AGBL4: variants seen among roughly 807,000 people sequenced by gnomAD.
AGBL4 encodes cytosolic carboxypeptidase 6.
AGBL4 carries 58 observed loss-of-function variants against 66.4 expected under a neutral mutation model. The ratio of observed to expected loss-of-function variants is 0.87; its 90% CI spans 0.71 to 1.09. The LOEUF is 1.09. Among genes scored for constraint, AGBL4 ranks in the 50% least tolerant of loss-of-function variants. The probability of loss-of-function intolerance (pLI) is 0.00; values close to 1 mark genes in which losing one functional copy is unlikely to be tolerated. For synonymous variants in AGBL4, 234 were observed against 222.9 expected (o/e 1.05, Z -0.44); for missense variants, 579 against 631.0 (o/e 0.92, Z 0.88).
At chr1:49,759,869 T>C (rs1440461224) in intron 2 of AGBL4, among the ~76,000 whole-genome samples, 1 of 152,172 alleles carries the variant, frequency 6.6e-6, no homozygotes, top group African/African-American at 2.4e-5. Context: ...AAAATTCTCA[T>C]ATTGTATTCC....
intron 2 of AGBL4, among the ~76,000 whole-genome samples, chr1:49,749,398 A>T (rs901239186): frequency 1.3e-5 from 2 of 151,962 alleles, no homozygotes; most frequent in African/African-American, 2.4e-5. Context: ...GTTGCAATAG[A>T]AGAAAAACAA....
intron 3 of AGBL4, among the ~76,000 whole-genome samples, chr1:49,483,155 T>C (rs530321157): frequency 1.3e-5 from 2 of 152,180 alleles, no homozygotes; most frequent in South Asian, 4.1e-4. Context: ...TGCTTTCAGG[T>C]CTTGAATATC....
At chr1:49,843,618 G>A (rs537322701) in intron 2 of AGBL4, among the ~76,000 whole-genome samples, 2 of 152,266 alleles carry the variant, frequency 1.3e-5, no homozygotes, top group East Asian at 3.9e-4. Context: ...GGTCCACTCA[G>A]ATAATCCAGT....
rs1570959521 is a variant in AGBL4, at chr1:49,530,284, T to TAAA, written c.282+167028_282+167029insTTT. Among the ~76,000 whole-genome samples the TAAA allele has an allele frequency of 7.3e-4, 26 of 35,790 alleles. 1 individual carries two copies. Among genetic ancestry groups the TAAA allele is most frequent in the African/African-American group, 2.3e-3 (22 of 9,364 alleles). 23.5% of individuals were successfully genotyped at this position (35,790 alleles called of 152,430 possible). On this transcript the variant is annotated intron_variant, in intron 3 of 13. Transcript: ENST00000371839. The stretch of plus-strand genomic sequence containing the variant: ...TAAAAAAAAAAAAACAAAAAAAAAC[T>TAAA]CTATGAGTTTTTTTTTATTATTATA...
chr1:48,862,482 C>T (rs576536175), intron 6 of AGBL4, among the ~76,000 whole-genome samples: 11 of 152,210 alleles, frequency 7.2e-5, no homozygotes, highest in East Asian at 3.9e-4. Context: ...CCACCACGCT[C>T]GGCTAATTTT....
intron 4 of AGBL4, among the ~76,000 whole-genome samples, chr1:49,160,917 T>C (rs1213960298): frequency 2.0e-5 from 3 of 152,148 alleles, no homozygotes; most frequent in South Asian, 4.1e-4. Context: ...AACTTGAGCA[T>C]CCCAGGTCAA....
chr1:49,221,705 A>G (rs1649509679), intron 4 of AGBL4, among the ~76,000 whole-genome samples: 2 of 152,058 alleles, frequency 1.3e-5, no homozygotes, highest in South Asian at 4.1e-4. Flanking sequence ...TTTTTCTTTG[A>G]AAGAGAATTT....
At chr1:49,238,966 C>T (rs1240379095) in intron 4 of AGBL4, among the ~76,000 whole-genome samples, 1 of 152,112 alleles carries the variant, frequency 6.6e-6, no homozygotes, top group African/African-American at 2.4e-5. Flanking sequence ...TCAGAGTTTT[C>T]TATGTTTGTT....
intron 1 of AGBL4, among the ~76,000 whole-genome samples, chr1:49,874,082 C>T (rs975222375): frequency 2.6e-5 from 4 of 152,002 alleles, no homozygotes; most frequent in Non-Finnish European, 5.9e-5. Context: ...ATATGCAGCT[C>T]CAACAAAGCT....
intron 1 of AGBL4, among the ~76,000 whole-genome samples, chr1:49,958,274 T>C (rs1411980482): frequency 6.6e-6 from 1 of 152,068 alleles, no homozygotes; most frequent in Non-Finnish European, 1.5e-5. Flanking sequence ...CTGACCTTTC[T>C]CTCTGGCTGC....
At chr1:49,664,644 T>C (rs900305839) in intron 3 of AGBL4, among the ~76,000 whole-genome samples, 1 of 152,088 alleles carries the variant, frequency 6.6e-6, no homozygotes, top group African/African-American at 2.4e-5. Context: ...CAACGGTGCA[T>C]AATAACACTT....
intron 3 of AGBL4, among the ~76,000 whole-genome samples, chr1:49,593,474 C>T (rs1485951124): frequency 6.6e-6 from 1 of 152,074 alleles, no homozygotes; most frequent in Non-Finnish European, 1.5e-5. Flanking sequence ...TACATAAACT[C>T]TATATACCAA....
intron 3 of AGBL4, among the ~76,000 whole-genome samples, chr1:49,350,192 T>C (rs1474432846): frequency 2.6e-5 from 4 of 152,016 alleles, no homozygotes; most frequent in African/African-American, 4.8e-5. Context: ...TATTTGTTTT[T>C]TTTTTTGTTT....
At chr1:49,813,914 C>T (rs1037434278) in intron 2 of AGBL4, among the ~76,000 whole-genome samples, 1 of 152,112 alleles carries the variant, frequency 6.6e-6, no homozygotes, top group African/African-American at 2.4e-5. Flanking sequence ...GTAACTGAAT[C>T]ATGCGGGCAG....
At chr1:49,100,348 G>C (rs1212979985) in intron 4 of AGBL4, among the ~76,000 whole-genome samples, 2 of 152,098 alleles carry the variant, frequency 1.3e-5, no homozygotes, top group African/African-American at 4.8e-5. Flanking sequence ...CACAACATTG[G>C]CTGTGTACCT....
intron 6 of AGBL4, among the ~76,000 whole-genome samples, chr1:48,693,804 G>A (rs556335406): frequency 2.4e-4 from 37 of 152,236 alleles, no homozygotes; most frequent in Admixed American, 2.4e-3. Flanking sequence ...ACAGCCTTCC[G>A]TGACTGCAGG....
At chr1:48,642,881 G>A (rs1384796928) in intron 8 of AGBL4, among the ~76,000 whole-genome samples, 4 of 152,184 alleles carry the variant, frequency 2.6e-5, no homozygotes, top group Non-Finnish European at 4.4e-5. Context: ...CCTGCACCGA[G>A]CCTGAGAATG....
chr1:49,135,446 CA>C (rs1645991806), intron 4 of AGBL4, among the ~76,000 whole-genome samples: 2 of 152,054 alleles, frequency 1.3e-5, no homozygotes, highest in Non-Finnish European at 2.9e-5. Context: ...GACACACACA[CA>C]GAAATATAGA....
chr1:48,831,531 C>G (rs1646552539), intron 6 of AGBL4, among the ~76,000 whole-genome samples: 1 of 152,180 alleles, frequency 6.6e-6, no homozygotes, highest in Non-Finnish European at 1.5e-5. Flanking sequence ...TTTTATGCAC[C>G]TCTGCTGTAA....
Sources: gnomAD v4.1 joint callset for allele counts (sites outside exome capture counted in the v4.1 genomes callset) on GRCh38, gnomAD v4.1.1 for gene constraint, MANE v1.5 for transcripts, NCBI Gene and HGNC (gene_info 2026-07-23, HGNC 2026-07-21) for gene names.